SCMH1: variants seen among roughly 807,000 people sequenced by gnomAD.
The protein encoded by SCMH1 is polycomb protein SCMH1.
Under a neutral mutation model 70.8 loss-of-function variants are expected in SCMH1, and 37 were observed. The observed-to-expected ratio is 0.52, with a 90% confidence interval of 0.40 to 0.69. The LOEUF (loss-of-function observed/expected upper bound fraction) is 0.69. Among genes scored for constraint, SCMH1 ranks in the 30% least tolerant of loss-of-function variants. The pLI is 0.00. For synonymous variants in SCMH1, 292 were observed against 307.4 expected (o/e 0.95, Z 0.52); for missense variants, 607 against 827.3 (o/e 0.73, Z 3.27).
intron 1 of SCMH1, among the ~76,000 whole-genome samples, chr1:41,211,008 C>T (rs1385316147): frequency 6.6e-6 from 1 of 152,084 alleles, no homozygotes; most frequent in East Asian, 1.9e-4. Flanking sequence ...CAAGCTTTCA[C>T]CGTGTTGGCC....
intron 5 of SCMH1, among the ~76,000 whole-genome samples, chr1:41,144,867 T>C (rs1272169632): frequency 6.6e-6 from 1 of 152,208 alleles, no homozygotes; most frequent in Non-Finnish European, 1.5e-5. Context: ...ATCTTTAATG[T>C]GCCTAACTGG....
rs192528769 is a variant in SCMH1, at chr1:41,134,221, C to T, written c.412+8657G>A. Among the ~76,000 whole-genome samples the T allele has an allele frequency of 4.6e-5, 7 of 152,196 alleles. No homozygotes were observed. The East Asian group carries it at 1.2e-3, about 25-fold the overall frequency. On this transcript the variant is annotated intron_variant, in intron 6 of 14. Transcript: ENST00000337495. Reference sequence around the variant, plus strand: ...TAATAGATGCAGAAAAGGCCTTTGACAAAATTCAACAGCACTTCATGCTAA... The same window carrying T: ...TAATAGATGCAGAAAAGGCCTTTGATAAAATTCAACAGCACTTCATGCTAA...
chr1:41,119,475 T>G (rs2147935199), intron 6 of SCMH1, among the ~76,000 whole-genome samples: 1 of 150,856 alleles, frequency 6.6e-6, no homozygotes, highest in South Asian at 2.1e-4. Flanking sequence ...CCACCGTAAC[T>G]CCACATGATT....
At chr1:41,072,093 T>C (rs772386147) in intron 9 of SCMH1, among the ~76,000 whole-genome samples, 4 of 152,226 alleles carry the variant, frequency 2.6e-5, no homozygotes, top group Non-Finnish European at 4.4e-5. Context: ...GAGTATGTTC[T>C]CTAAAGAGAT....
chr1:41,141,234 T>C (rs1044942731), intron 6 of SCMH1, among the ~76,000 whole-genome samples: 1 of 152,256 alleles, frequency 6.6e-6, no homozygotes, highest in Non-Finnish European at 1.5e-5. Flanking sequence ...GGCAGCAAAC[T>C]ACAGTTGGCA....
chr1:41,168,634 T>C (rs1417704819), intron 2 of SCMH1, among the ~76,000 whole-genome samples: 3 of 64,136 alleles, frequency 4.7e-5, no homozygotes, highest in Admixed American at 4.5e-4. Context: ...AGATTTGTCT[T>C]TTTTTTTTTT....
intron 13 of SCMH1, among the ~76,000 whole-genome samples, chr1:41,035,799 T>G (rs1242673689): frequency 6.6e-6 from 1 of 152,138 alleles, no homozygotes; most frequent in African/African-American, 2.4e-5. Flanking sequence ...ACCAGCCTTT[T>G]TTTTCTCATC....
intron 4 of SCMH1, among the ~76,000 whole-genome samples, chr1:41,154,720 G>A (rs932692910): frequency 6.6e-6 from 1 of 152,156 alleles, no homozygotes; most frequent in South Asian, 2.1e-4. Context: ...TTATTACGAA[G>A]ATTAATATTA....
chr1:41,217,569 T>C (rs770413107), intron 1 of SCMH1, among the ~76,000 whole-genome samples: 2 of 152,194 alleles, frequency 1.3e-5, no homozygotes, highest in Non-Finnish European at 2.9e-5. Context: ...GATACAGTTA[T>C]GTAGCAAAGA....
chr1:41,044,448 G>A (rs1209137974), intron 12 of SCMH1, among the ~76,000 whole-genome samples: 2 of 151,712 alleles, frequency 1.3e-5, no homozygotes, highest in Non-Finnish European at 2.9e-5. Context: ...CAAGCAGGCA[G>A]GAAGGCAGGC....
intron 1 of SCMH1, among the ~76,000 whole-genome samples, chr1:41,237,645 C>G (rs909677526): frequency 1.3e-5 from 2 of 152,134 alleles, no homozygotes; most frequent in African/African-American, 4.8e-5. Context: ...CCTGTGGTAG[C>G]TATTTTTAAC....
intron 4 of SCMH1, among the ~76,000 whole-genome samples, chr1:41,157,639 G>A (rs902113085): frequency 6.6e-6 from 1 of 152,202 alleles, no homozygotes; most frequent in Non-Finnish European, 1.5e-5. Flanking sequence ...AGGCTTCACA[G>A]ATGTAGAATC....
intron 6 of SCMH1, among the ~76,000 whole-genome samples, chr1:41,129,649 C>T (rs994299079): frequency 6.6e-6 from 1 of 152,202 alleles, no homozygotes; most frequent in Non-Finnish European, 1.5e-5. Flanking sequence ...CATCAACAGA[C>T]ACTTGAGTGG....
chr1:41,065,109 G>T (rs1221545573), intron 10 of SCMH1, among the ~76,000 whole-genome samples: 1 of 152,172 alleles, frequency 6.6e-6, no homozygotes, highest in African/African-American at 2.4e-5. Flanking sequence ...AATTTTGTCA[G>T]GATGTCAGTT....
intron 11 of SCMH1, 40 bp from the exon 12 acceptor site, chr1:41,046,638 C>T (rs1473116142): frequency 2.0e-6 from 3 of 1,507,544 alleles, no homozygotes; most frequent in African/African-American, 2.8e-5. Flanking sequence ...GTCAGCCTGG[C>T]AGTGGAGTAC....
chr1:41,116,812 G>A, intron 7 of SCMH1, 110 bp downstream of exon 7: 1 of 748,554 alleles, frequency 1.3e-6, no homozygotes, highest in Non-Finnish European at 2.1e-6. Flanking sequence ...AAATCCTTCT[G>A]AACTAATTTC....
rs191096959 is a variant in SCMH1, at chr1:41,239,261, C to A, written c.-118+2798G>T. Among the ~76,000 whole-genome samples the A allele has an allele frequency of 6.6e-5, 10 of 152,320 alleles. No homozygotes were observed. The East Asian group carries it at 1.7e-3, about 26-fold the overall frequency. On this transcript the variant is annotated intron_variant, in intron 1 of 14. Coordinates refer to ENST00000337495, the Ensembl canonical transcript of SCMH1. ...GTCCCAAACTGTTTGTGGTTCTCTA[C>A]GCAAGCCATTCCTTTTCTCACATTG...
At chr1:41,097,078 T>C (rs1426962558) in intron 8 of SCMH1, among the ~76,000 whole-genome samples, 1 of 152,254 alleles carries the variant, frequency 6.6e-6, no homozygotes, top group African/African-American at 2.4e-5. Context: ...TAGTTTAGTG[T>C]TCTTGAAGTA....
At chr1:41,189,313 C>T (rs1651068973) in intron 1 of SCMH1, among the ~76,000 whole-genome samples, 1 of 152,092 alleles carries the variant, frequency 6.6e-6, no homozygotes, top group Non-Finnish European at 1.5e-5. Context: ...CCAAGCCTGG[C>T]TAATTTTTTG....
Sources: allele counts gnomAD v4.1 joint callset (sites outside exome capture counted in the v4.1 genomes callset), GRCh38; gene constraint gnomAD v4.1.1; transcripts MANE v1.5; gene names NCBI Gene and HGNC (gene_info 2026-07-23, HGNC 2026-07-21).